BMP7: variants seen among roughly 807,000 people sequenced by gnomAD.
BMP7 encodes osteogenic protein 1.
In BMP7, 12 loss-of-function variants were observed where a neutral mutation model predicts 41.2. The ratio of observed to expected loss-of-function variants is 0.29; its 90% CI spans 0.19 to 0.47. The LOEUF (loss-of-function observed/expected upper bound fraction) is 0.47, where lower values mean the gene tolerates loss of function less well. Among genes scored for constraint, BMP7 ranks in the 20% least tolerant of loss-of-function variants. BMP7 has a pLI of 0.99. For synonymous variants in BMP7, 248 were observed against 250.0 expected, an observed-to-expected ratio of 0.99 and a Z score of 0.07; for missense variants, 467 against 606.0, an observed-to-expected ratio of 0.77 and a Z score of 2.41.
At chr20:57,249,048 G>A (rs552922109) in intron 1 of BMP7, among the ~76,000 whole-genome samples, 3 of 152,014 alleles carry the variant, frequency 2.0e-5, no homozygotes, top group East Asian at 2.0e-4. Flanking sequence ...TGATCTGCCC[G>A]CCTCGGCCTC....
chr20:57,245,258 T>C (rs1368862792), intron 1 of BMP7, among the ~76,000 whole-genome samples: 2 of 152,146 alleles, frequency 1.3e-5, no homozygotes, highest in Non-Finnish European at 2.9e-5. Context: ...CAAAACACCC[T>C]TCAAATTGCA....
chr20:57,254,312 C>T (rs545375811), intron 1 of BMP7, among the ~76,000 whole-genome samples: 10 of 152,042 alleles, frequency 6.6e-5, no homozygotes, highest in South Asian at 2.1e-4. Flanking sequence ...CGTGAGCCAC[C>T]GCGCCCAGCC....
chr20:57,170,952 G>C lies in BMP7; in HGVS notation c.*7C>G, dbSNP rs756163105. The C allele has an allele frequency of 1.2e-6, 2 of 1,612,910 alleles. No homozygotes were observed. Among genetic ancestry groups the C allele is most frequent in the African/African-American group, 2.7e-5 (2 of 74,912 alleles). Reference sequence around the variant, plus strand: ...TTGGCCCCAAAGGGTCTGAATTCTCGGAGGAGCTAGTGGCAGCCACAGGCC... The same window carrying C: ...TTGGCCCCAAAGGGTCTGAATTCTCCGAGGAGCTAGTGGCAGCCACAGGCC... On this transcript the variant is annotated 3_prime_UTR_variant, in exon 7 of 7. Transcript: ENST00000395863.
rs558477890 is a variant in BMP7 at position 57,210,580 on chromosome 20, G to A, written c.612-7957C>T. On this transcript the variant is annotated intron_variant, in intron 2 of 6. Coordinates refer to ENST00000395863, the MANE Select transcript of BMP7 (RefSeq NM_001719.3). The stretch of plus-strand genomic sequence containing the variant: ...GCCTCAGCGCAAACACAGATCCAGG[G>A]AAGATGGCCCTGAAACTGCCCCAGG... 2.8e-3 allele frequency among the ~76,000 whole-genome samples: 424 copies of A among 152,342 alleles called. 3 individuals carry two copies. The highest frequency in any genetic ancestry group is 9.8e-3 in the African/African-American group (409 of 41,576).
chr20:57,226,808 CT>C (rs1413340412), intron 2 of BMP7, among the ~76,000 whole-genome samples: 1 of 148,670 alleles, frequency 6.7e-6, no homozygotes, highest in Non-Finnish European at 1.5e-5. Context: ...ATGAACATGT[CT>C]TGCCTACTCA....
intron 1 of BMP7, among the ~76,000 whole-genome samples, chr20:57,229,843 C>A (rs2066022181): frequency 6.6e-6 from 1 of 152,214 alleles, no homozygotes; most frequent in African/African-American, 2.4e-5. Context: ...AAGTTCACAG[C>A]ACTGGCAGCC....
At chr20:57,240,790 T>A (rs1022055411) in intron 1 of BMP7, among the ~76,000 whole-genome samples, 2 of 152,148 alleles carry the variant, frequency 1.3e-5, no homozygotes, top group African/African-American at 2.4e-5. Flanking sequence ...TGAGAATTAG[T>A]CATTATCACC....
At chr20:57,230,435 GCTCAGTCAACC>G (rs201220510) in intron 1 of BMP7, among the ~76,000 whole-genome samples, 8,238 of 152,018 alleles carry the variant, frequency 0.054, 315 homozygotes, top group Non-Finnish European at 0.077. Context: ...CACCTTTCCA[GCTCAGTCAACC>G]CTCATGCCAG....
At chr20:57,172,158 C>G (rs971428550) in intron 6 of BMP7, among the ~76,000 whole-genome samples, 2 of 152,066 alleles carry the variant, frequency 1.3e-5, no homozygotes, top group Non-Finnish European at 2.9e-5. Context: ...CCCTGGCAGC[C>G]GGGGAGACAT....
At chr20:57,255,570 C>T (rs2066130730) in intron 1 of BMP7, among the ~76,000 whole-genome samples, 2 of 152,050 alleles carry the variant, frequency 1.3e-5, no homozygotes, top group Non-Finnish European at 2.9e-5. Context: ...GAGGCTGAGG[C>T]AGGTGGATCA....
At chr20:57,219,644 G>T (rs149366856) in intron 2 of BMP7, among the ~76,000 whole-genome samples, 8 of 152,242 alleles carry the variant, frequency 5.3e-5, no homozygotes, top group Admixed American at 5.2e-4. Context: ...CCGAAACCCT[G>T]CCTCAAATGA....
rs553581308 is a variant in BMP7 at position 57,261,477 on chromosome 20, A to C, written c.418+4228T>G. Among the ~76,000 whole-genome samples, 1 of 152,318 alleles carries C rather than the reference A, an allele frequency of 6.6e-6. No homozygotes were observed. Among genetic ancestry groups the C allele is most frequent in the East Asian group, 1.9e-4 (1 of 5,190 alleles). Reference sequence around the variant, plus strand: ...AAGGAAAATACATAGAAAATGAAAAAAGTTCAAAGCTGGGTCACATACATG... The same window carrying C: ...AAGGAAAATACATAGAAAATGAAAACAGTTCAAAGCTGGGTCACATACATG... On this transcript the variant is annotated intron_variant, in intron 1 of 6. Transcript: ENST00000395863. The surrounding 1 kb of genome is among the most constrained non-coding windows in gnomAD (Gnocchi z 4.1).
chr20:57,226,807 T>G (rs1173381159), intron 2 of BMP7, among the ~76,000 whole-genome samples: 2 of 151,288 alleles, frequency 1.3e-5, no homozygotes, highest in Middle Eastern at 3.2e-3. Flanking sequence ...CATGAACATG[T>G]CTTGCCTACT....
intron 6 of BMP7, among the ~76,000 whole-genome samples, chr20:57,172,014 A>G (rs182779698): frequency 3.2e-4 from 48 of 152,326 alleles, no homozygotes; most frequent in Non-Finnish European, 5.6e-4. Flanking sequence ...GCATCATTTC[A>G]CAATCCCTGG....
In BMP7 at chr20:57,173,674, C is replaced by T. The variant is rs184387599; in HGVS notation, c.1036-364G>A. On this transcript the variant is annotated intron_variant, in intron 5 of 6. Coordinates refer to ENST00000395863, the MANE Select transcript of BMP7 (RefSeq NM_001719.3). ...AAAATAAAAATGAAGGAAAGCCCCA[C>T]GGGGCTTGGCTGATCCTAAAATGGA... The T allele has an allele frequency of 1.1e-4, 38 of 348,862 alleles. 1 individual carries two copies. The highest frequency in any genetic ancestry group is 6.1e-4 in the South Asian group (22 of 36,296). 21.6% of individuals were successfully genotyped at this position (348,862 alleles called of 1,614,324 possible). A position where few individuals can be genotyped will look rare whatever the true frequency, so the allele number is the denominator to read the frequency against.
At chr20:57,193,189 G>A (rs990416170) in intron 3 of BMP7, among the ~76,000 whole-genome samples, 1 of 152,116 alleles carries the variant, frequency 6.6e-6, no homozygotes, top group Non-Finnish European at 1.5e-5. Context: ...TACAGACGCC[G>A]GTACCCAGCT....
intron 3 of BMP7, 113 bp downstream of exon 3, chr20:57,202,362 T>G: frequency 2.1e-6 from 3 of 1,408,396 alleles, no homozygotes; most frequent in South Asian, 1.2e-5. Flanking sequence ...GAGTACTGGT[T>G]GGGAGGGGCG....
intron 2 of BMP7, among the ~76,000 whole-genome samples, chr20:57,218,435 G>GTGTTTGTTTGGTGGTAGCTGA (rs77029735): frequency 3.1e-5 from 1 of 32,328 alleles, no homozygotes; most frequent in Non-Finnish European, 6.1e-5. Context: ...GTGGTAGCTG[G>GTGTTTGTTTGGTGGTAGCTGA]TGTTTGGTGG....
At chr20:57,257,976 G>A (rs2066140322) in intron 1 of BMP7, among the ~76,000 whole-genome samples, 1 of 152,158 alleles carries the variant, frequency 6.6e-6, no homozygotes, top group Non-Finnish European at 1.5e-5. Context: ...GCAGAAGACA[G>A]GCTGGAAGCA....
Sources: allele counts gnomAD v4.1 joint callset (sites outside exome capture counted in the v4.1 genomes callset), GRCh38; gene constraint gnomAD v4.1.1; non-coding constraint Gnocchi (gnomAD v3.1); transcripts MANE v1.5; gene names NCBI Gene and HGNC (gene_info 2026-07-23, HGNC 2026-07-21).